The following FBXW10B variants were observed in gnomAD, a reference collection of about 807,000 sequenced individuals.
The protein encoded by FBXW10B is F-box and WD repeat domain containing 10B.
chr17:15,576,532 CA>C, the FBXW10B span, among the ~76,000 whole-genome samples: 1 of 152,258 alleles, frequency 6.6e-6, no homozygotes, highest in Non-Finnish European at 1.5e-5. Flanking sequence ...AAGCTTCCTG[CA>C]GGCGGAGCCA....
At chr17:15,567,221 G>A in the FBXW10B span, among the ~76,000 whole-genome samples, 42 of 149,908 alleles carry the variant, frequency 2.8e-4, no homozygotes, top group Admixed American at 1.2e-3. Context: ...GCAGTGAGCC[G>A]AGATCACGCC....
At chr17:15,597,896 CTG>C in the FBXW10B span, among the ~76,000 whole-genome samples, 1 of 152,186 alleles carries the variant, frequency 6.6e-6, no homozygotes, top group Non-Finnish European at 1.5e-5. Context: ...GATGAGGAAA[CTG>C]AGGCATAGAG....
chr17:15,588,054 A>G, the FBXW10B span, among the ~76,000 whole-genome samples: 1 of 152,204 alleles, frequency 6.6e-6, no homozygotes, highest in Non-Finnish European at 1.5e-5. Flanking sequence ...ATTCCATACA[A>G]AGTCTACTTT....
At chr17:15,590,964 G>C in the FBXW10B span, among the ~76,000 whole-genome samples, 2 of 152,024 alleles carry the variant, frequency 1.3e-5, no homozygotes, top group African/African-American at 4.8e-5. Context: ...CCAGAGTCAG[G>C]GCCAAGTATT....
the FBXW10B span, chr17:15,593,412 T>G: frequency 1.9e-5 from 31 of 1,613,998 alleles, no homozygotes; most frequent in Admixed American, 5.0e-4. Flanking sequence ...ACAGTTCCCA[T>G]TGAAGAAATT....
chr17:15,573,851 ATT>A, the FBXW10B span: 4 of 367,440 alleles, frequency 1.1e-5, no homozygotes, highest in East Asian at 4.5e-5. Context: ...ATTTTCTATA[ATT>A]TTTTTTTGCA....
the FBXW10B span, among the ~76,000 whole-genome samples, chr17:15,611,199 T>G: frequency 2.0e-5 from 3 of 152,158 alleles, no homozygotes; most frequent in South Asian, 6.2e-4. Context: ...ATTTTTTGTA[T>G]TTTTAGTAGA....
chr17:15,610,851 C>T, the FBXW10B span, among the ~76,000 whole-genome samples: 1 of 152,078 alleles, frequency 6.6e-6, no homozygotes, highest in African/African-American at 2.4e-5. Context: ...CTTAAAACAG[C>T]AACAGACTTG....
the FBXW10B span, among the ~76,000 whole-genome samples, chr17:15,617,054 GTCAT>G: frequency 1.3e-5 from 2 of 152,156 alleles, no homozygotes; most frequent in Non-Finnish European, 2.9e-5. Flanking sequence ...CCTAAGCAAA[GTCAT>G]TCAGATGCCC....
chr17:15,581,933 A>G, the FBXW10B span, among the ~76,000 whole-genome samples: 19 of 151,672 alleles, frequency 1.3e-4, no homozygotes, highest in Middle Eastern at 3.2e-3. Flanking sequence ...TCTTGCTTCT[A>G]GAAACCAGAT....
chr17:15,578,795 T>C, the FBXW10B span, among the ~76,000 whole-genome samples: 1 of 152,288 alleles, frequency 6.6e-6, no homozygotes, highest in East Asian at 1.9e-4. Context: ...GATGAATTGG[T>C]GTAGCATAAT....
At chr17:15,583,211 A>G in the FBXW10B span, among the ~76,000 whole-genome samples, 2 of 126,534 alleles carry the variant, frequency 1.6e-5, no homozygotes, top group African/African-American at 5.4e-5. Context: ...CTCTCCAGAT[A>G]TGTGGAACAT....
the FBXW10B span, chr17:15,565,645 C>A: frequency 3.1e-6 from 5 of 1,614,272 alleles, no homozygotes; most frequent in Non-Finnish European, 4.2e-6. Context: ...GCTGGCTTTT[C>A]CTGGATCAAC....
the FBXW10B span, chr17:15,565,944 G>A: frequency 3.8e-6 from 6 of 1,596,448 alleles, no homozygotes; most frequent in Admixed American, 1.7e-5. Flanking sequence ...CAGAGAACCT[G>A]GAGCGGATAA....
chr17:15,575,262 A>G, the FBXW10B span, among the ~76,000 whole-genome samples: 23,764 of 117,122 alleles, frequency 0.2, 1,125 homozygotes, highest in African/African-American at 0.35. Context: ...CCCCTTTTCT[A>G]TCTTATGGTC....
chr17:15,565,586 T>C, the FBXW10B span: 1 of 1,614,132 alleles, frequency 6.2e-7, no homozygotes, highest in African/African-American at 1.3e-5. Flanking sequence ...CCTTGCTTCG[T>C]GAAATTATCA....
the FBXW10B span, among the ~76,000 whole-genome samples, chr17:15,600,019 A>G: frequency 6.6e-6 from 1 of 151,800 alleles, no homozygotes; most frequent in Admixed American, 6.6e-5. Context: ...GATCGAGACC[A>G]TCCTGGCTAA....
chr17:15,608,636 T>C, the FBXW10B span, among the ~76,000 whole-genome samples: 2 of 151,864 alleles, frequency 1.3e-5, no homozygotes, highest in East Asian at 1.9e-4. Flanking sequence ...GTATTTTTAG[T>C]AGCGACGGAG....
the FBXW10B span, among the ~76,000 whole-genome samples, chr17:15,585,536 A>C: frequency 6.6e-6 from 1 of 152,226 alleles, no homozygotes. Flanking sequence ...ATTAGGAAAC[A>C]AAAAGACGGC....
Sources: allele counts gnomAD v4.1 joint callset (sites outside exome capture counted in the v4.1 genomes callset), GRCh38; gene constraint gnomAD v4.1.1; transcripts MANE v1.5; gene names NCBI Gene and HGNC (gene_info 2026-07-23, HGNC 2026-07-21).